The following OSBPL3 variants were observed in gnomAD, a reference collection of about 807,000 sequenced individuals.
The protein encoded by OSBPL3 is oxysterol-binding protein-related protein 3.
OSBPL3 carries 65 observed loss-of-function variants against 120.1 expected under a neutral mutation model. That is an observed-to-expected ratio of 0.54 (90% CI 0.44 to 0.67). The LOEUF is 0.67. OSBPL3 is among the 30% of genes least tolerant of loss of function. The probability of loss-of-function intolerance (pLI) is 0.00; values close to 1 mark genes in which losing one functional copy is unlikely to be tolerated. For synonymous variants in OSBPL3, 416 were observed against 402.6 expected (o/e 1.03, Z -0.40); for missense variants, 1,004 against 1,082.1 (o/e 0.93, Z 1.01).
rs1812876480 is a variant in OSBPL3 at position 24,939,853 on chromosome 7, G to C, written c.-150+40033C>G. Reference sequence around the variant, plus strand: ...AAAGTTAGGAGGGTGGGAGGAAAGAGGAGGGAGAGCATTAGGACAAATATC... The same window carrying C: ...AAAGTTAGGAGGGTGGGAGGAAAGACGAGGGAGAGCATTAGGACAAATATC... On this transcript the variant is annotated intron_variant, in intron 1 of 22. Transcript: ENST00000313367. This position sits in a 1 kb window ranked among gnomAD's most constrained non-coding sequence, Gnocchi z 4.2. 1.3e-5 allele frequency among the ~76,000 whole-genome samples: 2 copies of C among 152,180 alleles called. No homozygotes were observed. The highest frequency in any genetic ancestry group is 2.9e-5 in the Non-Finnish European group (2 of 68,036).
chr7:24,976,329 A>G (rs1420948286), intron 1 of OSBPL3, among the ~76,000 whole-genome samples: 1 of 152,204 alleles, frequency 6.6e-6, no homozygotes. Context: ...TAACAACATA[A>G]TGACAGTGCT....
At chr7:24,956,284 T>A (rs1272766809) in intron 1 of OSBPL3, among the ~76,000 whole-genome samples, 4 of 152,268 alleles carry the variant, frequency 2.6e-5, no homozygotes, top group African/African-American at 9.6e-5. Flanking sequence ...TGGCTCCCAG[T>A]TAACCAACCC....
In OSBPL3 at chr7:24,964,871, TG is replaced by T. The variant is rs2128523273; in HGVS notation, c.-150+15014del. Among the ~76,000 whole-genome samples, 1 of 152,358 alleles carries T rather than the reference TG, an allele frequency of 6.6e-6. No individual in the cohort carries two copies. Among genetic ancestry groups the T allele is most frequent in the South Asian group, 2.1e-4 (1 of 4,826 alleles). On this transcript the variant is annotated intron_variant, in intron 1 of 22. Transcript: ENST00000313367. The surrounding 1 kb of genome is among the most constrained non-coding windows in gnomAD (Gnocchi z 4.2). Reference sequence around the variant, plus strand: ...AAAAGTTGTTTTGTGTTGGGGGCTGTGATTAAAATAAGTAAAGTTGGACAAA... The same window carrying T: ...AAAAGTTGTTTTGTGTTGGGGGCTGTATTAAAATAAGTAAAGTTGGACAAA...
chr7:24,917,454 C>CACAT (rs1248305328), intron 1 of OSBPL3, among the ~76,000 whole-genome samples: 14 of 84,556 alleles, frequency 1.7e-4, no homozygotes, highest in South Asian at 5.5e-4. Context: ...TATACACACA[C>CACAT]ATATATATAT....
Position 24,894,930 on chromosome 7 carries a change from C to T in OSBPL3, c.-149-2309G>A, listed in dbSNP as rs1188093999. 2.0e-5 allele frequency among the ~76,000 whole-genome samples: 3 copies of T among 152,146 alleles called. No homozygotes were observed. Among genetic ancestry groups the T allele is most frequent in the African/African-American group, 7.2e-5 (3 of 41,440 alleles). ...CAAATCCAATAGCTATCAAAGTTGG[C>T]ACTTAGAGCCAAGGGCTCTGCCAGC... On this transcript the variant is annotated intron_variant, in intron 1 of 22. Transcript: ENST00000313367. The surrounding 1 kb of genome is among the most constrained non-coding windows in gnomAD (Gnocchi z 4.1).
At position 24,832,549 on chromosome 7, in the gene OSBPL3, C is replaced by T. The variant is rs576633349; in HGVS notation, c.1747-1644G>A. ...AAAAAAAAGAAGAAGAAAAAATCAACTGCACTCAAGTCAGTCCTACTTGTG... is the reference window on the plus strand; with the variant it reads ...AAAAAAAAGAAGAAGAAAAAATCAATTGCACTCAAGTCAGTCCTACTTGTG... On this transcript the variant is annotated intron_variant, in intron 15 of 22. Transcript: ENST00000313367. 1.8e-3 allele frequency among the ~76,000 whole-genome samples: 266 copies of T among 148,736 alleles called. 1 individual carries two copies. The highest frequency in any genetic ancestry group is 2.9e-3 in the Non-Finnish European group (192 of 66,790).
rs114148171 is a variant in OSBPL3 at position 24,948,130 on chromosome 7, G to A, written c.-150+31756C>T. 2.8e-3 allele frequency among the ~76,000 whole-genome samples: 422 copies of A among 152,254 alleles called. 1 individual carries two copies. Among genetic ancestry groups the A allele is most frequent in the African/African-American group, 9.7e-3 (402 of 41,554 alleles). ...CAGAGAAACGGTCTCCCTTGGCTAC[G>A]GAAGACAAAGCGAGAGAGAGAAGAT... On this transcript the variant is annotated intron_variant, in intron 1 of 22. Coordinates refer to ENST00000313367, the MANE Select transcript of OSBPL3 (RefSeq NM_015550.4).
rs1043028565 is a variant in OSBPL3, at chr7:24,930,455, A to T, written c.-149-37834T>A. ...ATCTCAAAATATGCCAAGAAAAAAA[A>T]AGTAAACTTTTTATTGCTGACAGCA... On this transcript the variant is annotated intron_variant, in intron 1 of 22. Coordinates refer to ENST00000313367, the MANE Select transcript of OSBPL3 (RefSeq NM_015550.4). This position sits in a 1 kb window ranked among gnomAD's most constrained non-coding sequence, Gnocchi z 4.4. Among the ~76,000 whole-genome samples the T allele has an allele frequency of 1.4e-4, 22 of 152,136 alleles. No homozygotes were observed. The highest frequency in any genetic ancestry group is 4.8e-4 in the African/African-American group (20 of 41,418).
rs1185799362 is a variant in OSBPL3, at chr7:24,873,708, TG to T, written c.97-1640del. 1.3e-5 allele frequency among the ~76,000 whole-genome samples: 2 copies of T among 150,544 alleles called. No individual in the cohort carries two copies. The highest frequency in any genetic ancestry group is 2.9e-5 in the Non-Finnish European group (2 of 67,858). On this transcript the variant is annotated intron_variant, in intron 2 of 22. Coordinates refer to ENST00000313367, the MANE Select transcript of OSBPL3 (RefSeq NM_015550.4). This position sits in a 1 kb window ranked among gnomAD's most constrained non-coding sequence, Gnocchi z 4.1. ...ACAATAAATGCATACTACTAAGTGA[TG>T]GGAAGTCAGATTTCCTATTACTTAA... is the stretch of plus-strand genomic sequence containing the variant.
At chr7:24,859,110 G>A (rs1362562493) in intron 10 of OSBPL3, among the ~76,000 whole-genome samples, 2 of 152,102 alleles carry the variant, frequency 1.3e-5, no homozygotes, top group Non-Finnish European at 2.9e-5. Flanking sequence ...AAGCATTCCA[G>A]GTAGCAATCT....
At chr7:24,924,836 C>T (rs1011639940) in intron 1 of OSBPL3, among the ~76,000 whole-genome samples, 1 of 152,208 alleles carries the variant, frequency 6.6e-6, no homozygotes, top group African/African-American at 2.4e-5. Flanking sequence ...TATAGCTGCT[C>T]ACGGTTCTGC....
Position 24,824,376 on chromosome 7 carries a change from G to T in OSBPL3, c.1885-4138C>A, listed in dbSNP as rs2128150306. Among the ~76,000 whole-genome samples the T allele has an allele frequency of 6.6e-6, 1 of 152,246 alleles. No homozygotes were observed. Among genetic ancestry groups the T allele is most frequent in the South Asian group, 2.1e-4 (1 of 4,822 alleles). On this transcript the variant is annotated intron_variant, in intron 16 of 22. Transcript: ENST00000313367. The surrounding 1 kb of genome is among the most constrained non-coding windows in gnomAD (Gnocchi z 4.9). ...GGGGAGAAGCAGATAGGAAAAGGAG[G>T]TATTTTCAGTATTTTTGTACTTTGT...
chr7:24,917,401 C>CATATATAT lies in OSBPL3; in HGVS notation c.-149-24788_-149-24781dup, dbSNP rs59525014. 8.5e-3 allele frequency among the ~76,000 whole-genome samples: 848 copies of CATATATAT among 99,996 alleles called. 8 individuals carry two copies. Among genetic ancestry groups the CATATATAT allele is most frequent in the African/African-American group, 0.015 (395 of 26,180 alleles). The allele number at this position is 99,996 out of a possible 152,430, so 65.6% of individuals were successfully genotyped here. ...TTGTAACATATATATATATTTGTAA[C>CATATATAT]ATATATATATATATATATATATATA... On this transcript the variant is annotated intron_variant, in intron 1 of 22. Coordinates refer to ENST00000313367, the MANE Select transcript of OSBPL3 (RefSeq NM_015550.4).
At position 24,912,202 on chromosome 7, in the gene OSBPL3, A is replaced by G. The variant is rs1392985694; in HGVS notation, c.-149-19581T>C. Among the ~76,000 whole-genome samples, 4 of 152,220 alleles carry G rather than the reference A, an allele frequency of 2.6e-5. No individual in the cohort carries two copies. The highest frequency in any genetic ancestry group is 9.7e-5 in the African/African-American group (4 of 41,450). ...AAGTATCCATTTATCAAACTTTAAA[A>G]ATTTGTGGAAAGATAGATCCTAATT... On this transcript the variant is annotated intron_variant, in intron 1 of 22. Transcript: ENST00000313367. The surrounding 1 kb of genome is among the most constrained non-coding windows in gnomAD (Gnocchi z 4.5).
chr7:24,925,422 C>T (rs1042738484), intron 1 of OSBPL3, among the ~76,000 whole-genome samples: 2 of 152,216 alleles, frequency 1.3e-5, no homozygotes, highest in Non-Finnish European at 2.9e-5. Context: ...AGCCGGAATA[C>T]TCAAAGACCC....
rs201765122 is a variant in OSBPL3, at chr7:24,866,073, C to A, written c.546G>T (p.Arg182Ser). Residue 182 changes from arginine (R) to serine (S), a missense_variant, in exon 6 of 23, where the codon AGG (arginine) becomes AGT (serine). By Grantham distance (110) the Arg-to-Ser change is moderately radical. Around this residue, in one of 4 missense-constraint regions of OSBPL3, gnomAD observed 255 missense variants for 248.7 expected, o/e 1.03. Coordinates refer to ENST00000313367, the MANE Select transcript of OSBPL3 (RefSeq NM_015550.4). ...SSGVFDSISSRKRSSISKQNL... is the reference protein window; with the variant it reads ...SSGVFDSISSSKRSSISKQNL... ...TTATTGGCAAAACACTCATTACCTT[C>A]CTACTTGAAATGGAGTCAAACACCC... 6.2e-7 allele frequency: 1 copy of A among 1,612,684 alleles called. No homozygotes were observed. Among genetic ancestry groups the A allele is most frequent in the African/African-American group, 1.3e-5 (1 of 74,850 alleles).
intron 1 of OSBPL3, among the ~76,000 whole-genome samples, chr7:24,951,659 G>T (rs1003170927): frequency 6.6e-6 from 1 of 152,150 alleles, no homozygotes; most frequent in Non-Finnish European, 1.5e-5. Context: ...TGGTAAAGAC[G>T]TAAGCTTTGA....
At chr7:24,919,181 GAGA>G (rs561420357) in intron 1 of OSBPL3, among the ~76,000 whole-genome samples, 317 of 152,206 alleles carry the variant, frequency 2.1e-3, no homozygotes, top group Non-Finnish European at 3.5e-3. Flanking sequence ...ATATGTGTGG[GAGA>G]AGGACAGACA....
chr7:24,856,386 A>G (rs1419332127), intron 10 of OSBPL3, among the ~76,000 whole-genome samples: 2 of 152,128 alleles, frequency 1.3e-5, no homozygotes, highest in Non-Finnish European at 1.5e-5. Context: ...GTGAGAGTCA[A>G]TACTCTCACT....
Sources: gnomAD v4.1 joint callset for allele counts (sites outside exome capture counted in the v4.1 genomes callset) on GRCh38, gnomAD v4.1.1 for gene constraint, gnomAD v4.1.1 regional missense constraint, Gnocchi (gnomAD v3.1) non-coding constraint, MANE v1.5 for transcripts, NCBI Gene and HGNC (gene_info 2026-07-23, HGNC 2026-07-21) for gene names.